The following PPP1R1C variants were observed in gnomAD, a reference collection of about 807,000 sequenced individuals.
The protein encoded by PPP1R1C is protein phosphatase 1 regulatory subunit 1C.
In PPP1R1C, 15 loss-of-function variants were observed where a neutral mutation model predicts 17.4. That is an observed-to-expected ratio of 0.86 (90% CI 0.58 to 1.33). PPP1R1C has a LOEUF of 1.33. Ranked by LOEUF, PPP1R1C falls within the 40% of genes most tolerant of loss-of-function variation. The pLI is 0.00. For synonymous variants in PPP1R1C, 35 were observed against 43.1 expected (o/e 0.81, Z 0.73); for missense variants, 143 against 130.0 (o/e 1.10, Z -0.48).
chr2:182,053,305 T>G (rs1218006002), intron 2 of PPP1R1C, among the ~76,000 whole-genome samples: 1 of 152,240 alleles, frequency 6.6e-6, no homozygotes, highest in Non-Finnish European at 1.5e-5. Flanking sequence ...TTATTCACTT[T>G]GAGCGAATAG....
chr2:182,110,988 C>T (rs1689400846), intron 4 of PPP1R1C, among the ~76,000 whole-genome samples: 1 of 152,028 alleles, frequency 6.6e-6, no homozygotes, highest in East Asian at 1.9e-4. Context: ...AAGTAATTCT[C>T]ATCCTGGGCC....
At position 181,962,250 on chromosome 2, in the gene PPP1R1C, T is replaced by A. The variant is rs1574340071; in HGVS notation, n.111+7616T>A. On this transcript the variant is annotated intron_variant and non_coding_transcript_variant, in intron 1 of 5. Coordinates refer to the PPP1R1C transcript ENST00000464264. This position sits in a 1 kb window ranked among gnomAD's most constrained non-coding sequence, Gnocchi z 6.0. ...TGCATTGTCTCCTTCTTATTCTGGA[T>A]GCCTCCCATTCCTGCCAGACCCCCG... The A allele has an allele frequency of 9.6e-6, 7 of 731,756 alleles. No homozygotes were observed. Among genetic ancestry groups the A allele is most frequent in the Non-Finnish European group, 1.7e-5 (7 of 405,272 alleles). 45.3% of individuals were successfully genotyped at this position (731,756 alleles called of 1,614,324 possible).
intron 4 of PPP1R1C, among the ~76,000 whole-genome samples, chr2:182,111,152 C>T (rs1689405741): frequency 6.6e-6 from 1 of 152,106 alleles, no homozygotes; most frequent in Admixed American, 6.6e-5. Context: ...ACCTTCTTCC[C>T]TACCTTCTTA....
chr2:182,096,778 ACCCAC>A (rs1688953418), intron 4 of PPP1R1C, among the ~76,000 whole-genome samples: 3 of 152,140 alleles, frequency 2.0e-5, no homozygotes, highest in African/African-American at 7.2e-5. Flanking sequence ...TAATTTTGCC[ACCCAC>A]ACACACATTT....
intron 4 of PPP1R1C, among the ~76,000 whole-genome samples, chr2:182,085,829 G>A (rs537722145): frequency 2.6e-5 from 4 of 152,230 alleles, no homozygotes; most frequent in African/African-American, 4.8e-5. Context: ...AGATAGGAAA[G>A]CTAATCACAT....
intron 4 of PPP1R1C, among the ~76,000 whole-genome samples, chr2:182,106,581 A>G (rs1689260271): frequency 6.6e-6 from 1 of 152,114 alleles, no homozygotes; most frequent in Non-Finnish European, 1.5e-5. Flanking sequence ...CCACTCAGTA[A>G]AACCTTGAAC....
exon 6 of PPP1R1C, chr2:182,129,025 C>A (rs1353115269): frequency 6.6e-6 from 1 of 152,136 alleles, no homozygotes; most frequent in East Asian, 1.9e-4. Context: ...TGCTGTGCTT[C>A]TACTCGAGCT....
chr2:182,038,095 T>TGGCCTGATCATGGCTCACTGCAGC (rs1553505998), intron 2 of PPP1R1C, among the ~76,000 whole-genome samples: 2 of 152,120 alleles, frequency 1.3e-5, no homozygotes, highest in African/African-American at 4.8e-5. Context: ...TGGAGTGCAG[T>TGGCCTGATCATGGCTCACTGCAGC]GGCCTGATCA....
chr2:182,043,004 C>T (rs1419175617), intron 2 of PPP1R1C, among the ~76,000 whole-genome samples: 1 of 152,144 alleles, frequency 6.6e-6, no homozygotes, highest in East Asian at 1.9e-4. Context: ...TTCTCCTTAA[C>T]CTTAAAAAAT....
At chr2:182,121,429 T>G (rs1689730151), downstream of PPP1R1C, among the ~76,000 whole-genome samples, 1 of 152,240 alleles carries the variant, frequency 6.6e-6, no homozygotes, top group African/African-American at 2.4e-5. Context: ...TACTTCATGA[T>G]CCTCTTCAAC....
intron 1 of PPP1R1C, among the ~76,000 whole-genome samples, chr2:181,971,502 T>C (rs1003711035): frequency 6.6e-6 from 1 of 152,258 alleles, no homozygotes; most frequent in Middle Eastern, 3.4e-3. Context: ...AAGGAGTCTC[T>C]TTTGGTGCTA....
At chr2:182,043,862 C>T (rs1687261641) in intron 2 of PPP1R1C, among the ~76,000 whole-genome samples, 1 of 152,146 alleles carries the variant, frequency 6.6e-6, no homozygotes, top group Admixed American at 6.5e-5. Flanking sequence ...GCTGAAGACT[C>T]CTAAATCTGT....
intron 2 of PPP1R1C, among the ~76,000 whole-genome samples, chr2:182,042,032 G>C (rs1553506439): frequency 6.6e-6 from 1 of 152,040 alleles, no homozygotes; most frequent in Non-Finnish European, 1.5e-5. Context: ...TTCCGTGTAT[G>C]TAGCTCCTTC....
intron 4 of PPP1R1C, among the ~76,000 whole-genome samples, chr2:182,076,308 C>T (rs1688309496): frequency 1.4e-5 from 2 of 139,634 alleles, no homozygotes; most frequent in South Asian, 4.7e-4. Flanking sequence ...CATTCTCCTG[C>T]CTCAGCCTCC....
intron 2 of PPP1R1C, among the ~76,000 whole-genome samples, chr2:181,978,071 C>T (rs1452436175): frequency 6.6e-6 from 1 of 152,146 alleles, no homozygotes; most frequent in Non-Finnish European, 1.5e-5. Context: ...AAAGAAAGAA[C>T]AAAGGGATGT....
chr2:181,988,822 A>T (rs1051560841), intron 2 of PPP1R1C, among the ~76,000 whole-genome samples: 3 of 152,240 alleles, frequency 2.0e-5, no homozygotes, highest in African/African-American at 7.2e-5. Context: ...GTAAACTAAT[A>T]GGCTATTCAT....
At chr2:181,981,160 C>T (rs1409991857), upstream of PPP1R1C, among the ~76,000 whole-genome samples, 3 of 151,982 alleles carry the variant, frequency 2.0e-5, no homozygotes, top group South Asian at 2.1e-4. Flanking sequence ...GATCTCCTGA[C>T]CTCGTGATCC....
chr2:182,093,155 A>G (rs1024544635), intron 4 of PPP1R1C, among the ~76,000 whole-genome samples: 86 of 152,292 alleles, frequency 5.6e-4, no homozygotes, highest in African/African-American at 1.9e-3. Context: ...CCAAACCACA[A>G]TTCTTGACTT....
chr2:182,127,490 A>G (rs1184892110), intron 5 of PPP1R1C, among the ~76,000 whole-genome samples: 2 of 152,112 alleles, frequency 1.3e-5, no homozygotes, highest in Non-Finnish European at 2.9e-5. Flanking sequence ...CAAGACACCA[A>G]CAAGCAACAG....
Sources: allele counts gnomAD v4.1 joint callset (sites outside exome capture counted in the v4.1 genomes callset), GRCh38; gene constraint gnomAD v4.1.1; non-coding constraint Gnocchi (gnomAD v3.1); transcripts MANE v1.5; gene names NCBI Gene and HGNC (gene_info 2026-07-23, HGNC 2026-07-21).